CACNA2D3: variants seen among roughly 807,000 people sequenced by gnomAD.
CACNA2D3 encodes voltage-dependent calcium channel subunit alpha-2/delta-3.
Under a neutral mutation model 160.6 loss-of-function variants are expected in CACNA2D3, and 60 were observed. That is an observed-to-expected ratio of 0.37 (90% CI 0.30 to 0.46). The LOEUF is 0.46. Ranked by LOEUF, CACNA2D3 falls within the 20% of genes least tolerant of loss-of-function variation. CACNA2D3 has a pLI of 1.00. For synonymous variants in CACNA2D3, 558 were observed against 492.9 expected, an observed-to-expected ratio of 1.13 and a Z score of -1.75; for missense variants, 1,205 against 1,365.0, an observed-to-expected ratio of 0.88 and a Z score of 1.85.
chr3:54,748,248 G>A (rs1286958929), intron 11 of CACNA2D3, among the ~76,000 whole-genome samples: 1 of 152,162 alleles, frequency 6.6e-6, no homozygotes. Flanking sequence ...TTTAATGGCT[G>A]CAGAAAGGAG....
chr3:54,580,488 C>T (rs922878130), intron 8 of CACNA2D3, among the ~76,000 whole-genome samples: 1 of 152,128 alleles, frequency 6.6e-6, no homozygotes, highest in Admixed American at 6.5e-5. Context: ...GCACAAACTC[C>T]CGAGGCCCTC....
intron 12 of CACNA2D3, 47 bp downstream of exon 12, chr3:54,752,724 G>T (rs762260153): frequency 2.0e-5 from 27 of 1,335,828 alleles, no homozygotes; most frequent in Non-Finnish European, 2.9e-5. Flanking sequence ...CCACCTACTT[G>T]TGCAGAATTA....
At chr3:54,631,236 A>ACACACACACACACACACACAC (rs1559532534) in intron 10 of CACNA2D3, among the ~76,000 whole-genome samples, 5 of 151,518 alleles carry the variant, frequency 3.3e-5, no homozygotes, top group Admixed American at 1.3e-4. Flanking sequence ...ACACACACAC[A>ACACACACACACACACACACAC]AAGATAAATG....
intron 2 of CACNA2D3, among the ~76,000 whole-genome samples, chr3:54,307,034 A>G (rs1214698725): frequency 1.3e-5 from 2 of 152,078 alleles, no homozygotes; most frequent in Non-Finnish European, 2.9e-5. Flanking sequence ...GATGGGATGG[A>G]AGCTCTGCCG....
chr3:54,457,845 C>T (rs1575465700), intron 4 of CACNA2D3, among the ~76,000 whole-genome samples: 2 of 152,006 alleles, frequency 1.3e-5, no homozygotes, highest in African/African-American at 2.4e-5. Flanking sequence ...CTTTCTTTGT[C>T]TCTTCTTACA....
At chr3:54,720,126 C>T (rs1320788846) in intron 11 of CACNA2D3, among the ~76,000 whole-genome samples, 2 of 151,844 alleles carry the variant, frequency 1.3e-5, no homozygotes, top group East Asian at 1.9e-4. Flanking sequence ...GCTGTGTCAT[C>T]GATTTCTATT....
Position 54,344,595 on chromosome 3 carries a change from C to T in CACNA2D3, c.321+24037C>T, listed in dbSNP as rs535790990. Among the ~76,000 whole-genome samples the T allele has an allele frequency of 2.6e-5, 4 of 152,272 alleles. No individual in the cohort carries two copies. In the South Asian group the frequency reaches 8.3e-4, roughly 32 times the overall value. ...TCTAGGTGGAGACAGACTCACAGGA[C>T]CTGGCTTGAGTTCCAGCTTGGCTGC... On this transcript the variant is annotated intron_variant, in intron 3 of 37. Coordinates refer to ENST00000474759, the MANE Select transcript of CACNA2D3 (RefSeq NM_018398.3).
intron 6 of CACNA2D3, among the ~76,000 whole-genome samples, chr3:54,563,463 AC>A (rs1290686571): frequency 6.6e-6 from 1 of 152,140 alleles, no homozygotes; most frequent in Non-Finnish European, 1.5e-5. Flanking sequence ...TGCTCCCAGC[AC>A]CCTAGCACCC....
At chr3:54,591,575 T>TTTC (rs1209202180) in intron 9 of CACNA2D3, among the ~76,000 whole-genome samples, 2 of 150,788 alleles carry the variant, frequency 1.3e-5, no homozygotes, top group Non-Finnish European at 3.0e-5. Context: ...AAGTTTTTTT[T>TTTC]TTTTTTTTTT....
intron 2 of CACNA2D3, among the ~76,000 whole-genome samples, chr3:54,129,879 G>C (rs375996875): frequency 6.6e-6 from 1 of 152,188 alleles, no homozygotes; most frequent in African/African-American, 2.4e-5. Context: ...ATCACAGAAC[G>C]TGCCAGATAA....
intron 17 of CACNA2D3, among the ~76,000 whole-genome samples, chr3:54,859,437 A>C (rs946767475): frequency 2.0e-5 from 3 of 152,174 alleles, no homozygotes; most frequent in African/African-American, 7.2e-5. Context: ...TGCTAGGCAA[A>C]GGGAAACACT....
At chr3:54,829,190 G>C (rs1158261405) in intron 14 of CACNA2D3, among the ~76,000 whole-genome samples, 1 of 152,164 alleles carries the variant, frequency 6.6e-6, no homozygotes, top group African/African-American at 2.4e-5. Flanking sequence ...GGATCTCCCT[G>C]CCCCACGTTT....
chr3:54,854,689 G>A (rs17054469), intron 17 of CACNA2D3, among the ~76,000 whole-genome samples: 1,941 of 152,254 alleles, frequency 0.013, 38 homozygotes, highest in African/African-American at 0.043. Flanking sequence ...TCATTGCCTC[G>A]TGCGTGGAGT....
intron 31 of CACNA2D3, among the ~76,000 whole-genome samples, chr3:54,988,770 C>A (rs1204653194): frequency 6.6e-6 from 1 of 152,058 alleles, no homozygotes; most frequent in Non-Finnish European, 1.5e-5. Flanking sequence ...AAATGATGAC[C>A]CAGTGTTTGA....
intron 17 of CACNA2D3, among the ~76,000 whole-genome samples, chr3:54,864,583 A>G (rs1314176353): frequency 2.0e-5 from 3 of 152,086 alleles, no homozygotes; most frequent in African/African-American, 7.2e-5. Context: ...TCTTAATCTG[A>G]CACTGCTTCT....
At chr3:55,044,121 C>T (rs191616198) in intron 35 of CACNA2D3, among the ~76,000 whole-genome samples, 1 of 152,068 alleles carries the variant, frequency 6.6e-6, no homozygotes, top group Non-Finnish European at 1.5e-5. Context: ...TTTTAAAATA[C>T]GCTTGTCTAG....
chr3:54,285,332 C>G (rs1350559256), intron 2 of CACNA2D3, among the ~76,000 whole-genome samples: 1 of 152,232 alleles, frequency 6.6e-6, no homozygotes. Flanking sequence ...TCGCTGATAG[C>G]TAGCACAGCA....
intron 4 of CACNA2D3, among the ~76,000 whole-genome samples, chr3:54,490,898 C>G (rs1701098726): frequency 6.6e-6 from 1 of 152,176 alleles, no homozygotes; most frequent in South Asian, 2.1e-4. Flanking sequence ...ATTCCTGGTA[C>G]TGAGTTCTTA....
chr3:54,918,918 A>G (rs750990226), intron 27 of CACNA2D3: 10 of 1,507,518 alleles, frequency 6.6e-6, no homozygotes, highest in Non-Finnish European at 8.9e-6. Context: ...GCAAAGAACA[A>G]TAACAAAGCC....
Sources: allele counts gnomAD v4.1 joint callset (sites outside exome capture counted in the v4.1 genomes callset), GRCh38; gene constraint gnomAD v4.1.1; transcripts MANE v1.5; gene names NCBI Gene and HGNC (gene_info 2026-07-23, HGNC 2026-07-21).